Variants in ATP1A4 observed in about 807,000 individuals in gnomAD.
ATP1A4 encodes the protein ATPase Na+/K+ transporting subunit alpha 4, also known as sodium/potassium-transporting ATPase subunit alpha-4.
In ATP1A4, 90 loss-of-function variants were observed where a neutral mutation model predicts 114.3. The ratio of observed to expected loss-of-function variants is 0.79; its 90% CI spans 0.66 to 0.94. The LOEUF (loss-of-function observed/expected upper bound fraction) is 0.94, where lower values mean the gene tolerates loss of function less well. Among genes scored for constraint, ATP1A4 ranks in the 40% least tolerant of loss-of-function variants. The pLI is 0.00. For synonymous variants in ATP1A4, 511 were observed against 494.1 expected, an observed-to-expected ratio of 1.03 and a Z score of -0.45; for missense variants, 1,222 against 1,313.6, an observed-to-expected ratio of 0.93 and a Z score of 1.08.
At chr1:160,158,285 ATC>A (rs749910674) in intron 4 of ATP1A4, among the ~76,000 whole-genome samples, 7 of 152,090 alleles carry the variant, frequency 4.6e-5, no homozygotes, top group Non-Finnish European at 1.0e-4. Flanking sequence ...TTTCTTCGTG[ATC>A]TCTCTTTTTA....
intron 7 of ATP1A4, 127 bp from the exon 8 acceptor site, chr1:160,166,401 G>A: frequency 3.3e-6 from 4 of 1,229,418 alleles, no homozygotes; most frequent in South Asian, 1.5e-5. Context: ...TAAAGAGTAG[G>A]TGGGAACAAA....
At chr1:160,182,297 T>C (rs1349822100) in intron 20 of ATP1A4, among the ~76,000 whole-genome samples, 4 of 152,228 alleles carry the variant, frequency 2.6e-5, no homozygotes, top group Non-Finnish European at 5.9e-5. Context: ...TGAAATCTTT[T>C]TCGTGATGAT....
intron 12 of ATP1A4, 62 bp downstream of exon 12, chr1:160,171,819 G>T (rs1653275456): frequency 6.5e-7 from 1 of 1,534,976 alleles, no homozygotes; most frequent in African/African-American, 1.4e-5. Context: ...CTACTAGAAG[G>T]CCTTGCGCAG....
intron 1 of ATP1A4, among the ~76,000 whole-genome samples, chr1:160,152,655 G>A (rs1432539975): frequency 6.6e-6 from 1 of 152,154 alleles, no homozygotes; most frequent in Non-Finnish European, 1.5e-5. Context: ...TTGGGCCTTC[G>A]TCTGCCCTGT....
chr1:160,175,603 GA>G (rs1364369683), intron 15 of ATP1A4, among the ~76,000 whole-genome samples: 3 of 151,894 alleles, frequency 2.0e-5, no homozygotes, highest in South Asian at 2.1e-4. Flanking sequence ...AGACCAAGCA[GA>G]GAGTGCAGAG....
intron 13 of ATP1A4, 37 bp from the exon 14 acceptor site, chr1:160,174,074 C>A (rs1653362155): frequency 6.2e-7 from 1 of 1,606,698 alleles, no homozygotes; most frequent in African/African-American, 1.3e-5. Flanking sequence ...GAATTCTCAA[C>A]ACTCAAAACT....
At chr1:160,166,815 G>T (rs1653057313) in intron 8 of ATP1A4, 89 bp downstream of exon 8, 1 of 1,566,994 alleles carries the variant, frequency 6.4e-7, no homozygotes, top group Non-Finnish European at 8.7e-7. Context: ...CAGACAGACA[G>T]GAGGGAGCCT....
Position 160,155,112 on chromosome 1 carries a change from C to T in ATP1A4, c.275C>T (p.Pro92Leu). 6.2e-7 allele frequency: 1 copy of T among 1,614,014 alleles called. No homozygotes were observed. Among genetic ancestry groups the T allele is most frequent in the East Asian group, 2.2e-5 (1 of 44,864 alleles). ...GGACCCAATACTGTTACCCCACCCC[C>T]CACCACTCCAGAATGGGTCAAATTC... ...RGGPNTVTPP[P>L]TTPEWVKFCK... Residue 92 changes from proline to leucine, a missense_variant, in exon 3 of 22, where the codon CCC becomes CTC. By Grantham distance (98) the Pro-to-Leu change is moderately conservative. Coordinates refer to ENST00000368081, the MANE Select transcript of ATP1A4 (RefSeq NM_144699.4).
intron 18 of ATP1A4, among the ~76,000 whole-genome samples, chr1:160,180,037 T>A (rs956542745): frequency 3.3e-4 from 50 of 152,046 alleles, no homozygotes; most frequent in African/African-American, 1.2e-3. Context: ...TTGGAGGAGA[T>A]CAAGGAACTG....
intron 12 of ATP1A4, among the ~76,000 whole-genome samples, chr1:160,172,988 C>A (rs1342579507): frequency 6.6e-6 from 1 of 152,220 alleles, no homozygotes; most frequent in Admixed American, 6.5e-5. Context: ...GATAAACAGG[C>A]AATCACCATA....
chr1:160,166,025 T>A (rs1215387329), intron 7 of ATP1A4, among the ~76,000 whole-genome samples: 1 of 152,140 alleles, frequency 6.6e-6, no homozygotes, highest in East Asian at 1.9e-4. Flanking sequence ...ATCCCAGCAC[T>A]TTGGGAGGCC....
At chr1:160,153,789 G>A (rs1652540545) in intron 2 of ATP1A4, among the ~76,000 whole-genome samples, 1 of 152,126 alleles carries the variant, frequency 6.6e-6, no homozygotes. Context: ...GTGATGTTAT[G>A]CCAGTTGGCC....
At position 160,173,737 on chromosome 1, in the gene ATP1A4, C is replaced by A; in HGVS notation, c.1991+20C>A. 1 of 1,611,342 alleles carries A rather than the reference C, an allele frequency of 6.2e-7. No individual in the cohort carries two copies. The highest frequency in any genetic ancestry group is 8.5e-7 in the Non-Finnish European group (1 of 1,178,234). On this transcript the variant is annotated intron_variant, in intron 13 of 21. Transcript: ENST00000368081. ...TGCCAGGTGAGATCACTAAAGAACTCAAGATCTGCCATGTTCCCTCCATCC... is the reference window on the plus strand; with the variant it reads ...TGCCAGGTGAGATCACTAAAGAACTAAAGATCTGCCATGTTCCCTCCATCC...
chr1:160,177,760 A>C, intron 18 of ATP1A4, 96 bp downstream of exon 18: 2 of 1,412,304 alleles, frequency 1.4e-6, no homozygotes, highest in Non-Finnish European at 2.0e-6. Context: ...GAAGAAGGGA[A>C]GCACCACACA....
At position 160,152,048 on chromosome 1, in the gene ATP1A4, T is replaced by G; in HGVS notation, c.8T>G (p.Leu3Arg). 1 of 1,613,226 alleles carries G rather than the reference T, an allele frequency of 6.2e-7. No individual in the cohort carries two copies. The highest frequency in any genetic ancestry group is 8.5e-7 in the Non-Finnish European group (1 of 1,179,702). ...CTCTTTCTGGGGATAGCTATGGGGC[T>G]TTGGGGGAAGAAAGGGACAGTGGCT... is the stretch of plus-strand genomic sequence containing the variant. MG[L>R]WGKKGTVAPH... Residue 3 changes from leucine (L) to arginine (R), a missense_variant, in exon 1 of 22, where the codon CTT becomes CGT. Physicochemically the swap from Leu to Arg is moderately radical, Grantham distance 102. Transcript: ENST00000368081.
At chr1:160,154,154 G>A (rs1053622253) in intron 2 of ATP1A4, among the ~76,000 whole-genome samples, 3 of 152,114 alleles carry the variant, frequency 2.0e-5, no homozygotes, top group African/African-American at 7.2e-5. Context: ...AGTAGTTGGA[G>A]ACCAGCCTGG....
Position 160,159,095 on chromosome 1 carries a change from G to A in ATP1A4, c.619G>A (p.Val207Ile), listed in dbSNP as rs1652776756. Residue 207 changes from valine (V) to isoleucine (I), a missense_variant, in exon 5 of 22, where the codon GTC becomes ATC. Physicochemically the swap from Val to Ile is conservative, Grantham distance 29 (BLOSUM62 3). Transcript: ENST00000368081. The part of the protein sequence containing the change: ...DLVEIKGGDR[V>I]PADLRLISAQ... ...GGTGGAAATCAAGGGTGGAGACCGA[G>A]TCCCTGCTGACCTCCGGCTTATCTC... The A allele has an allele frequency of 6.2e-7, 1 of 1,614,164 alleles. No individual in the cohort carries two copies.
At position 160,174,571 on chromosome 1, in the gene ATP1A4, T is replaced by A. The variant is rs1344008619; in HGVS notation, c.2143-8T>A. ...AATTGTTCACTCTCTCTGTCTGGAC[T>A]TCCTCAGGGAGCCGTTGTGGCCGTG... is the stretch of plus-strand genomic sequence containing the variant. On this transcript the variant is annotated splice_region_variant and splice_polypyrimidine_tract_variant and intron_variant, in intron 14 of 21. Transcript: ENST00000368081. The A allele has an allele frequency of 3.7e-6, 6 of 1,611,978 alleles. No homozygotes were observed. The highest frequency in any genetic ancestry group is 5.1e-6 in the Non-Finnish European group (6 of 1,178,392).
At chr1:160,169,453 T>C (rs1019217436) in intron 10 of ATP1A4, among the ~76,000 whole-genome samples, 9 of 152,256 alleles carry the variant, frequency 5.9e-5, no homozygotes, top group Non-Finnish European at 8.8e-5. Flanking sequence ...CTTAGAAAAC[T>C]GAGCTCTTTA....
Sources: gnomAD v4.1 joint callset for allele counts (sites outside exome capture counted in the v4.1 genomes callset) on GRCh38, gnomAD v4.1.1 for gene constraint, MANE v1.5 for transcripts, NCBI Gene and HGNC (gene_info 2026-07-23, HGNC 2026-07-21) for gene names.